Variants in LRP1B observed in about 807,000 individuals in gnomAD.
LRP1B encodes LDL receptor related protein 1B, also known as low-density lipoprotein receptor-related protein 1B.
In LRP1B, 217 loss-of-function variants were observed where a neutral mutation model predicts 556.6. That is an observed-to-expected ratio of 0.39 (90% confidence interval 0.35 to 0.44). LRP1B has a LOEUF of 0.44. Ranked by LOEUF, LRP1B falls within the 20% of genes least tolerant of loss-of-function variation. LRP1B has a pLI of 1.00. For synonymous variants in LRP1B, 2,047 were observed against 1,865.8 expected (o/e 1.10, Z -2.50); for missense variants, 5,053 against 5,620.8 (o/e 0.90, Z 3.23).
intron 2 of LRP1B, among the ~76,000 whole-genome samples, chr2:141,661,791 G>T (rs1218379875): frequency 6.6e-6 from 1 of 152,198 alleles, no homozygotes; most frequent in Non-Finnish European, 1.5e-5. Flanking sequence ...CCCCAATCTA[G>T]CAAGACAGGC....
intron 11 of LRP1B, among the ~76,000 whole-genome samples, chr2:141,023,923 G>A (rs1698142031): frequency 1.3e-5 from 2 of 152,130 alleles, no homozygotes; most frequent in Admixed American, 6.6e-5. Context: ...GTGTCTACGT[G>A]AGTACAGAGT....
At chr2:141,494,968 T>C (rs1683463731) in intron 2 of LRP1B, among the ~76,000 whole-genome samples, 1 of 151,904 alleles carries the variant, frequency 6.6e-6, no homozygotes, top group Non-Finnish European at 1.5e-5. Context: ...ACAGAAGAAT[T>C]CCTTACATTT....
intron 74 of LRP1B, among the ~76,000 whole-genome samples, chr2:140,357,701 G>C (rs2105133627): frequency 6.6e-6 from 1 of 151,662 alleles, no homozygotes; most frequent in Non-Finnish European, 1.5e-5. Context: ...ATTACTAAAT[G>C]ATATAGATTA....
chr2:140,824,233 C>T (rs942378769), intron 31 of LRP1B, among the ~76,000 whole-genome samples: 5 of 151,776 alleles, frequency 3.3e-5, no homozygotes, highest in African/African-American at 4.8e-5. Flanking sequence ...GGTTGAGGCA[C>T]GCACAGTGAA....
chr2:141,611,392 G>A, intron 2 of LRP1B, among the ~76,000 whole-genome samples: 1 of 152,154 alleles, frequency 6.6e-6, no homozygotes, highest in East Asian at 1.9e-4. Context: ...TTTGATAAAA[G>A]CAAGTCAAGA....
At chr2:141,681,522 G>T (rs985250749) in intron 2 of LRP1B, among the ~76,000 whole-genome samples, 1 of 151,982 alleles carries the variant, frequency 6.6e-6, no homozygotes, top group Non-Finnish European at 1.5e-5. Flanking sequence ...CTTTATGTGT[G>T]TTTTATGATT....
chr2:140,359,223 A>G (rs1682392357), intron 72 of LRP1B, among the ~76,000 whole-genome samples: 1 of 151,674 alleles, frequency 6.6e-6, no homozygotes, highest in African/African-American at 2.4e-5. Context: ...AGCTGACTTC[A>G]CTTAGTGTAA....
At chr2:141,806,738 C>T (rs1163727139) in intron 2 of LRP1B, among the ~76,000 whole-genome samples, 1 of 151,928 alleles carries the variant, frequency 6.6e-6, no homozygotes, top group Non-Finnish European at 1.5e-5. Context: ...TATTTAGTTT[C>T]CAGGATTTCT....
chr2:140,732,709 AT>A (rs1687818829), intron 35 of LRP1B, among the ~76,000 whole-genome samples: 1 of 151,494 alleles, frequency 6.6e-6, no homozygotes, highest in African/African-American at 2.4e-5. Flanking sequence ...AAAAAAAAAA[AT>A]TAAAGATCTC....
At chr2:141,233,206 T>C (rs900406582) in intron 5 of LRP1B, among the ~76,000 whole-genome samples, 8 of 152,138 alleles carry the variant, frequency 5.3e-5, no homozygotes, top group African/African-American at 1.9e-4. Context: ...TAATGAACAT[T>C]AACCTTCCAC....
chr2:140,476,039 CA>C (rs1246222727), intron 59 of LRP1B, among the ~76,000 whole-genome samples: 1 of 151,822 alleles, frequency 6.6e-6, no homozygotes, highest in African/African-American at 2.4e-5. Flanking sequence ...GGGGAAAAAA[CA>C]GGAAGTGAAT....
intron 29 of LRP1B, among the ~76,000 whole-genome samples, chr2:140,846,409 T>G (rs546284720): frequency 6.6e-6 from 1 of 152,110 alleles, no homozygotes; most frequent in African/African-American, 2.4e-5. Flanking sequence ...CTCAGAAAAT[T>G]AGCTGGGCAT....
At chr2:140,662,337 C>T (rs1685126311) in intron 41 of LRP1B, among the ~76,000 whole-genome samples, 1 of 151,928 alleles carries the variant, frequency 6.6e-6, no homozygotes, top group Non-Finnish European at 1.5e-5. Flanking sequence ...TCTATACATG[C>T]TATAATTACA....
intron 2 of LRP1B, among the ~76,000 whole-genome samples, chr2:141,555,194 C>T (rs527836341): frequency 1.3e-4 from 19 of 151,888 alleles, no homozygotes; most frequent in Non-Finnish European, 2.4e-4. Flanking sequence ...TAAACAAACA[C>T]CACTACAAAT....
intron 3 of LRP1B, among the ~76,000 whole-genome samples, chr2:141,379,028 A>G (rs1573877398): frequency 1.3e-5 from 2 of 152,210 alleles, no homozygotes; most frequent in Non-Finnish European, 2.9e-5. Context: ...ACAAATCTCA[A>G]GGGAACAAAC....
chr2:140,542,938 T>C (rs1487493528), intron 43 of LRP1B, among the ~76,000 whole-genome samples: 1 of 152,114 alleles, frequency 6.6e-6, no homozygotes, highest in Admixed American at 6.6e-5. Flanking sequence ...AGTCCCCAAG[T>C]TCACACGGGT....
At chr2:141,093,047 G>T (rs1186428938) in intron 7 of LRP1B, among the ~76,000 whole-genome samples, 1 of 134,610 alleles carries the variant, frequency 7.4e-6, no homozygotes, top group Admixed American at 7.6e-5. Context: ...AGACTTTTTT[G>T]TTGTTTTTTT....
intron 3 of LRP1B, among the ~76,000 whole-genome samples, chr2:141,472,918 G>A (rs1241315394): frequency 6.6e-6 from 1 of 152,078 alleles, no homozygotes; most frequent in Non-Finnish European, 1.5e-5. Context: ...CATCAAAGAT[G>A]TAAATCTATG....
chr2:140,423,682 T>C (rs144504027), intron 66 of LRP1B, among the ~76,000 whole-genome samples: 1,528 of 152,224 alleles, frequency 0.01, 31 homozygotes, highest in African/African-American at 0.035. Flanking sequence ...AAAACACTAT[T>C]ACAGTTCCTT....
Sources: allele counts gnomAD v4.1 joint callset (sites outside exome capture counted in the v4.1 genomes callset), GRCh38; gene constraint gnomAD v4.1.1; transcripts MANE v1.5; gene names NCBI Gene and HGNC (gene_info 2026-07-23, HGNC 2026-07-21).